The following WWOX variants were observed in gnomAD, a reference collection of about 807,000 sequenced individuals.
WWOX encodes the protein WW domain-containing oxidoreductase.
WWOX carries 69 observed loss-of-function variants against 46.2 expected under a neutral mutation model. The ratio of observed to expected loss-of-function variants is 1.49; its 90% CI spans 1.23 to 1.82. The LOEUF is 1.82. Ranked by LOEUF, WWOX falls within the 40% of genes most tolerant of loss-of-function variation. The pLI is 0.00. For synonymous variants in WWOX, 359 were observed against 202.6 expected, an observed-to-expected ratio of 1.77 and a Z score of -6.56; for missense variants, 919 against 542.6, an observed-to-expected ratio of 1.69 and a Z score of -6.89.
chr16:78,748,560 C>T (rs2049403129), intron 8 of WWOX, among the ~76,000 whole-genome samples: 1 of 152,148 alleles, frequency 6.6e-6, no homozygotes, highest in Non-Finnish European at 1.5e-5. Context: ...CCATTGGAGA[C>T]CTCAGCTCTG....
At chr16:78,138,345 T>C (rs966358631) in intron 4 of WWOX, among the ~76,000 whole-genome samples, 1 of 141,604 alleles carries the variant, frequency 7.1e-6, no homozygotes, top group Admixed American at 6.9e-5. Context: ...ATGTAACTGA[T>C]TTGTTTTTTA....
intron 8 of WWOX, among the ~76,000 whole-genome samples, chr16:78,969,510 A>ATT: frequency 6.6e-6 from 1 of 152,016 alleles, no homozygotes; most frequent in Non-Finnish European, 1.5e-5. Context: ...ACCTCAAGTG[A>ATT]TCCAACCGCC....
chr16:78,573,807 C>T (rs913006324), intron 8 of WWOX, among the ~76,000 whole-genome samples: 1 of 152,240 alleles, frequency 6.6e-6, no homozygotes, highest in Non-Finnish European at 1.5e-5. Context: ...ACATTCTCCA[C>T]TTGTGTATCA....
rs973767401 is a variant in WWOX, at chr16:78,755,179, A to G, written c.1056+322427A>G. Among the ~76,000 whole-genome samples, 4 of 151,346 alleles carry G rather than the reference A, an allele frequency of 2.6e-5. No individual in the cohort carries two copies. The East Asian group carries it at 5.8e-4, about 22-fold the overall frequency. On this transcript the variant is annotated intron_variant, in intron 8 of 8. Transcript: ENST00000566780. The stretch of plus-strand genomic sequence containing the variant: ...ATGTACACCTATGTAACAAGGCTGC[A>G]TGTTCTGCACATGTATCCCAGAACT...
intron 8 of WWOX, among the ~76,000 whole-genome samples, chr16:79,163,199 A>G (rs2050521451): frequency 6.6e-6 from 1 of 152,080 alleles, no homozygotes; most frequent in Non-Finnish European, 1.5e-5. Context: ...GGAGGGAGAG[A>G]TTGGGAGGAG....
At chr16:78,846,400 C>A (rs1014492435) in intron 8 of WWOX, among the ~76,000 whole-genome samples, 1 of 152,130 alleles carries the variant, frequency 6.6e-6, no homozygotes, top group Admixed American at 6.5e-5. Flanking sequence ...CTCTCCAGTC[C>A]CCTCTGGTCT....
chr16:78,465,419 G>C (rs1211378433), intron 8 of WWOX, among the ~76,000 whole-genome samples: 1 of 152,170 alleles, frequency 6.6e-6, no homozygotes, highest in Non-Finnish European at 1.5e-5. Context: ...AGCTCAAGCA[G>C]TCCGCCTGCA....
At chr16:78,536,193 G>A (rs909730815) in intron 8 of WWOX, among the ~76,000 whole-genome samples, 2 of 152,112 alleles carry the variant, frequency 1.3e-5, no homozygotes, top group African/African-American at 2.4e-5. Flanking sequence ...ACATGCATGG[G>A]TGTAATTTGG....
intron 8 of WWOX, among the ~76,000 whole-genome samples, chr16:79,162,169 G>A (rs1021554776): frequency 6.6e-6 from 1 of 152,166 alleles, no homozygotes; most frequent in African/African-American, 2.4e-5. Context: ...TGTTTTCTTG[G>A]CCCAAGAGAT....
intron 8 of WWOX, among the ~76,000 whole-genome samples, chr16:78,888,402 A>G (rs74975078): frequency 0.01 from 1,528 of 152,256 alleles, 24 homozygotes; most frequent in African/African-American, 0.035. Context: ...CTGTTGTTCC[A>G]GGTGTTACTC....
chr16:78,585,863 T>G (rs990555615), intron 8 of WWOX, among the ~76,000 whole-genome samples: 2 of 151,964 alleles, frequency 1.3e-5, no homozygotes, highest in African/African-American at 4.8e-5. Flanking sequence ...AATCTTTTAT[T>G]GTCTTGTTCT....
intron 8 of WWOX, among the ~76,000 whole-genome samples, chr16:78,885,809 A>G (rs2044444233): frequency 6.6e-6 from 1 of 152,166 alleles, no homozygotes; most frequent in African/African-American, 2.4e-5. Context: ...TTCTTACTTA[A>G]GTCTATATAT....
chr16:78,425,021 G>C lies in WWOX; in HGVS notation c.757G>C (p.Ala253Pro). The C allele has an allele frequency of 6.2e-7, 1 of 1,614,014 alleles. No individual in the cohort carries two copies. The highest frequency in any genetic ancestry group is 8.5e-7 in the Non-Finnish European group (1 of 1,180,006). The change falls in exon 7 of 9, where the codon GCC (alanine) becomes CCC (proline). Residue 253 changes from alanine (A) to proline (P), a missense_variant. Transcript: ENST00000566780. ...LQDVLCRSAP[A>P]RVIVVSSESH... ...GGATGTTTTGTGCCGCTCAGCTCCT[G>C]CCCGTGTCATTGTGGTCTCCTCAGA...
rs376115223 is a variant in WWOX, at chr16:78,356,222, G to T, written c.517-30638G>T. Among the ~76,000 whole-genome samples the T allele has an allele frequency of 9.9e-5, 15 of 151,962 alleles. No homozygotes were observed. In the South Asian group the frequency reaches 2.7e-3, roughly 27 times the overall value. ...AATAAAAATGCATATATGTATATTTGTGTGAATCATATACACATATATAAA... is the reference window on the plus strand; with the variant it reads ...AATAAAAATGCATATATGTATATTTTTGTGAATCATATACACATATATAAA... On this transcript the variant is annotated intron_variant, in intron 5 of 8. Coordinates refer to ENST00000566780, the MANE Select transcript of WWOX (RefSeq NM_016373.4).
intron 8 of WWOX, among the ~76,000 whole-genome samples, chr16:78,999,123 G>A (rs1324688130): frequency 6.6e-6 from 1 of 151,968 alleles, no homozygotes; most frequent in Admixed American, 6.6e-5. Context: ...CAAGAACCCA[G>A]CGCCAGTGGC....
chr16:78,916,057 G>A (rs2045243528), intron 8 of WWOX, among the ~76,000 whole-genome samples: 1 of 152,294 alleles, frequency 6.6e-6, no homozygotes, highest in South Asian at 2.1e-4. Context: ...CTCTGAGTGT[G>A]CAGACACGAT....
intron 5 of WWOX, among the ~76,000 whole-genome samples, chr16:78,175,868 T>C (rs2151748061): frequency 6.6e-6 from 1 of 152,200 alleles, no homozygotes; most frequent in East Asian, 1.9e-4. Flanking sequence ...TAAGAGAGAC[T>C]GGACAGTGAG....
intron 8 of WWOX, among the ~76,000 whole-genome samples, chr16:79,120,018 C>G (rs1195874665): frequency 2.0e-5 from 3 of 152,188 alleles, no homozygotes; most frequent in Non-Finnish European, 4.4e-5. Flanking sequence ...AACCACACAG[C>G]CCAGTGGCCG....
chr16:78,129,166 C>T (rs1020404438), intron 4 of WWOX, among the ~76,000 whole-genome samples: 3 of 152,138 alleles, frequency 2.0e-5, no homozygotes, highest in African/African-American at 7.2e-5. Flanking sequence ...TCGCCACTTG[C>T]CCAGTGTTTC....
Sources: gnomAD v4.1 joint callset for allele counts (sites outside exome capture counted in the v4.1 genomes callset) on GRCh38, gnomAD v4.1.1 for gene constraint, MANE v1.5 for transcripts, NCBI Gene and HGNC (gene_info 2026-07-23, HGNC 2026-07-21) for gene names.